Variants in ASPM observed in about 807,000 individuals in gnomAD.
ASPM encodes abnormal spindle-like microcephaly-associated protein.
Under a neutral mutation model 366.4 loss-of-function variants are expected in ASPM, and 256 were observed. The observed-to-expected ratio is 0.70, with a 90% CI of 0.63 to 0.77. The LOEUF is 0.77. ASPM is among the 30% of genes least tolerant of loss of function. The pLI is 0.00. For synonymous variants in ASPM, 1,414 were observed against 1,342.9 expected (o/e 1.05, Z -1.16); for missense variants, 4,146 against 4,090.4 (o/e 1.01, Z -0.37).
chr1:197,125,814 A>G (rs76781168), intron 10 of ASPM, among the ~76,000 whole-genome samples: 2,142 of 152,134 alleles, frequency 0.014, 48 homozygotes, highest in African/African-American at 0.046. Flanking sequence ...GAAAAAGCAA[A>G]CCCCAACTGA....
rs1021475847 is a variant in ASPM at position 197,112,436 on chromosome 1, T to C, written c.4065+5353A>G. On this transcript the variant is annotated intron_variant, in intron 17 of 27. Coordinates refer to ENST00000367409, the MANE Select transcript of ASPM (RefSeq NM_018136.5). ...TAGGCTTAATACTTGGGTGACAAAA[T>C]AATCTGTACAACAAACCCCCATGAC... Among the ~76,000 whole-genome samples, 51 of 151,960 alleles carry C rather than the reference T, an allele frequency of 3.4e-4. 1 individual carries two copies. The highest frequency in any genetic ancestry group is 3.2e-3 in the Admixed American group (49 of 15,244).
chr1:197,084,153 C>A lies in ASPM; in HGVS notation c.*171G>T. 1 of 603,672 alleles carries A rather than the reference C, an allele frequency of 1.7e-6. No individual in the cohort carries two copies. The highest frequency in any genetic ancestry group is 2.8e-5 in the East Asian group (1 of 35,912). The allele number at this position is 603,672 out of a possible 1,614,324, so 37.4% of individuals were successfully genotyped here. ...CATCTTATGACATATTAGTTTATTA[C>A]ATGCATAAAACTATAAATGATAAAA... On this transcript the variant is annotated 3_prime_UTR_variant, in exon 28 of 28. Transcript: ENST00000367409.
In ASPM at chr1:197,090,913, T is replaced by A. The variant is rs886044195; in HGVS notation, c.9573A>T (p.Ala3191=). The A allele has an allele frequency of 6.2e-7, 1 of 1,613,512 alleles. No homozygotes were observed. Among genetic ancestry groups the A allele is most frequent in the African/African-American group, 1.3e-5 (1 of 75,002 alleles). The change falls in exon 23 of 28, where the codon GCA becomes GCT. Residue 3191 remains alanine, a synonymous_variant. Coordinates refer to ENST00000367409, the MANE Select transcript of ASPM (RefSeq NM_018136.5). The stretch of plus-strand genomic sequence containing the variant: ...TTTTACGGAGGAGAAAATGGCGCAC[T>A]GCTTTCTGTATTACTGATGCAGCCC... ...RNRAASVIQK[A]VRHFLLRKKQ...
In ASPM at chr1:197,114,309, G is replaced by A. The variant is rs774867907; in HGVS notation, c.4065+3480C>T. Among the ~76,000 whole-genome samples the A allele has an allele frequency of 9.5e-4, 145 of 152,120 alleles. 2 individuals carry two copies. Among genetic ancestry groups the A allele is most frequent in the Non-Finnish European group, 2.1e-4 (14 of 68,014 alleles). Reference sequence around the variant, plus strand: ...AATTGTAATCTTTTTGCTAGTGGAGGGTCTTACCTTAATGTTGGTGGCTGC... The same window carrying A: ...AATTGTAATCTTTTTGCTAGTGGAGAGTCTTACCTTAATGTTGGTGGCTGC... On this transcript the variant is annotated intron_variant, in intron 17 of 27. Transcript: ENST00000367409.
chr1:197,096,213 T>G, intron 18 of ASPM, 49 bp from the exon 19 acceptor site: 1 of 1,477,642 alleles, frequency 6.8e-7, no homozygotes, highest in Non-Finnish European at 9.4e-7. Flanking sequence ...GTCTCTTTTT[T>G]TTTGTAAATA....
intron 17 of ASPM, among the ~76,000 whole-genome samples, chr1:197,113,538 A>G (rs1657652222): frequency 6.6e-6 from 1 of 152,192 alleles, no homozygotes; most frequent in Non-Finnish European, 1.5e-5. Flanking sequence ...CAAAATGAGG[A>G]AGACAAAACA....
In ASPM at chr1:197,103,215, TTC is replaced by T; in HGVS notation, c.6034_6035del (p.Glu2012ThrfsTer41). ...KYYRAYSIGR[E>X]QNHLYLKTKA... ...TTGTTTTCAAATATAAATGATTCTG[TTC>T]TCTTCCAATACTGTAAGCCCTATAA... On this transcript the variant is annotated frameshift_variant, in exon 18 of 28. Transcript: ENST00000367409. LOFTEE classifies it high-confidence loss of function. 1 of 1,612,896 alleles carries T rather than the reference TTC, an allele frequency of 6.2e-7. No individual in the cohort carries two copies. The highest frequency in any genetic ancestry group is 8.5e-7 in the Non-Finnish European group (1 of 1,179,430).
chr1:197,120,160 A>C (rs1201717735), intron 16 of ASPM, among the ~76,000 whole-genome samples: 1 of 152,146 alleles, frequency 6.6e-6, no homozygotes, highest in Non-Finnish European at 1.5e-5. Context: ...AAAAAAATGG[A>C]AACTTCTATT....
rs1205994201 is a variant in ASPM at position 197,146,541 on chromosome 1, T to G, written c.-104A>C. ...CTGACCGCTTCCCCTCAGGGGCGGCTGTAGAGGTCGTGGGAGTGAATTCGG... is the reference window on the plus strand; with the variant it reads ...CTGACCGCTTCCCCTCAGGGGCGGCGGTAGAGGTCGTGGGAGTGAATTCGG... On this transcript the variant is annotated 5_prime_UTR_variant, in exon 1 of 28. Coordinates refer to ENST00000367409, the MANE Select transcript of ASPM (RefSeq NM_018136.5). 2 of 1,319,062 alleles carry G rather than the reference T, an allele frequency of 1.5e-6. No homozygotes were observed. The highest frequency in any genetic ancestry group is 2.9e-5 in the African/African-American group (2 of 69,072). The allele number at this position is 1,319,062 out of a possible 1,614,324, so 81.7% of individuals were successfully genotyped here.
In ASPM at chr1:197,133,574, A is replaced by G. The variant is rs587783224; in HGVS notation, c.2195T>C (p.Leu732Ser). ...TATTTTATGTTGATTCTCTATTCCC[A>G]AAAGAAGAGTAGCAGCATTTACTGG... ...ISEVNAATLL[L>S]GIENQHKISV... Residue 732 changes from leucine to serine, a missense_variant, in exon 6 of 28, where the codon TTG (leucine) becomes TCG (serine). Leu to Ser is a moderately radical substitution (Grantham distance 145). This residue lies in a region of ASPM where 3,624 missense variants were observed against 3,591.7 expected (regional missense o/e 1.01). Transcript: ENST00000367409. The G allele has an allele frequency of 4.3e-6, 7 of 1,613,320 alleles. No individual in the cohort carries two copies. The Admixed American group carries it at 6.7e-5, about 15-fold the overall frequency.
At chr1:197,112,636 A>G (rs369936607) in intron 17 of ASPM, among the ~76,000 whole-genome samples, 1 of 152,056 alleles carries the variant, frequency 6.6e-6, no homozygotes, top group South Asian at 2.1e-4. Flanking sequence ...GGAAAGGCTA[A>G]TCAGAAATTT....
chr1:197,126,607 A>G (rs530211127), intron 10 of ASPM, among the ~76,000 whole-genome samples: 2 of 152,316 alleles, frequency 1.3e-5, no homozygotes, highest in East Asian at 3.9e-4. Context: ...TAAATAAACA[A>G]ATTAACCAAC....
chr1:197,084,307 GAAAATGTTT>G lies in ASPM; in HGVS notation c.*8_*16del. ...AATATTTCTTTACACTATACATACT[GAAAATGTTT>G]ACATTTACTAATAAGGAATGCCAAG... On this transcript the variant is annotated 3_prime_UTR_variant, in exon 28 of 28. Transcript: ENST00000367409. The G allele has an allele frequency of 6.4e-7, 1 of 1,559,610 alleles. No individual in the cohort carries two copies. Among genetic ancestry groups the G allele is most frequent in the South Asian group, 1.1e-5 (1 of 89,942 alleles).
chr1:197,122,056 C>A lies in ASPM; in HGVS notation c.3742-13G>T. The stretch of plus-strand genomic sequence containing the variant: ...AGGTAATAACCACCTAAAAAAAACC[C>A]ACAAAAGATAAAAACAGAATATCAA... On this transcript the variant is annotated splice_polypyrimidine_tract_variant and intron_variant, in intron 15 of 27. Coordinates refer to ENST00000367409, the MANE Select transcript of ASPM (RefSeq NM_018136.5). 6.2e-7 allele frequency: 1 copy of A among 1,610,644 alleles called. No homozygotes were observed. The highest frequency in any genetic ancestry group is 8.5e-7 in the Non-Finnish European group (1 of 1,177,762).
chr1:197,129,280 C>A lies in ASPM; in HGVS notation c.2667G>T (p.Lys889Asn). 2.5e-6 allele frequency: 4 copies of A among 1,612,890 alleles called. No homozygotes were observed. The highest frequency in any genetic ancestry group is 3.4e-6 in the Non-Finnish European group (4 of 1,179,224). Reference sequence around the variant, plus strand: ...CAAGAAAACAGACCAACAACAATAACTTTTTCAATGTAAACTTGGACAAAG... The same window carrying A: ...CAAGAAAACAGACCAACAACAATAAATTTTTCAATGTAAACTTGGACAAAG... ...EEALSKFTLKKLLLLVCFLDY... is the reference protein window; with the variant it reads ...EEALSKFTLKNLLLLVCFLDY... Residue 889 changes from lysine (K) to asparagine (N), a missense_variant, in exon 9 of 28, where the codon AAG becomes AAT. Lys to Asn is a moderately conservative substitution (Grantham distance 94). This residue lies in a region of ASPM where 3,624 missense variants were observed against 3,591.7 expected (regional missense o/e 1.01). Transcript: ENST00000367409.
intron 21 of ASPM, 88 bp from the exon 22 acceptor site, chr1:197,092,144 T>A (rs932226630): frequency 8.7e-5 from 111 of 1,276,388 alleles, no homozygotes; most frequent in Non-Finnish European, 2.8e-5. Context: ...CAACATCAAA[T>A]TATATAAACT....
chr1:197,124,004 G>T, intron 13 of ASPM, 106 bp downstream of exon 13: 1 of 970,704 alleles, frequency 1.0e-6, no homozygotes, highest in Non-Finnish European at 1.6e-6. Flanking sequence ...TGCTTACACA[G>T]ATGAACTAAG....
chr1:197,098,084 G>A (rs961766243), intron 18 of ASPM, among the ~76,000 whole-genome samples: 8 of 150,448 alleles, frequency 5.3e-5, no homozygotes, highest in East Asian at 2.0e-4. Context: ...CCAACATAGC[G>A]TTAAGAGGGA....
chr1:197,129,479 A>T (rs923981693), intron 8 of ASPM, among the ~76,000 whole-genome samples, 162 bp from the exon 9 acceptor site: 1 of 152,188 alleles, frequency 6.6e-6, no homozygotes, highest in Non-Finnish European at 1.5e-5. Flanking sequence ...TATGTGTATA[A>T]ATCCATTTAA....
Sources: allele counts gnomAD v4.1 joint callset (sites outside exome capture counted in the v4.1 genomes callset), GRCh38; gene constraint gnomAD v4.1.1; regional missense constraint gnomAD v4.1.1; transcripts MANE v1.5; gene names NCBI Gene and HGNC (gene_info 2026-07-23, HGNC 2026-07-21).